The following NUP210L variants were observed in gnomAD, a reference collection of about 807,000 sequenced individuals.
NUP210L encodes the protein nucleoporin 210 like, also known as nuclear pore membrane glycoprotein 210-like.
Under a neutral mutation model 208.5 loss-of-function variants are expected in NUP210L, and 74 were observed. The ratio of observed to expected loss-of-function variants is 0.35; its 90% confidence interval spans 0.29 to 0.43. NUP210L has a LOEUF of 0.43. Ranked by LOEUF, NUP210L falls within the 20% of genes least tolerant of loss-of-function variation. The probability of loss-of-function intolerance (pLI) is 1.00; values close to 1 mark genes in which losing one functional copy is unlikely to be tolerated. For missense variants in NUP210L, 1,843 were observed against 2,289.4 expected, an observed-to-expected ratio of 0.81 and a Z score of 3.98; for synonymous variants, 780 against 816.9, an observed-to-expected ratio of 0.95 and a Z score of 0.77.
At chr1:154,056,235 T>A (rs566256109) in intron 23 of NUP210L, among the ~76,000 whole-genome samples, 2 of 152,310 alleles carry the variant, frequency 1.3e-5, no homozygotes, top group East Asian at 3.9e-4. Context: ...TATTTCAGCC[T>A]GGAACTCCTC....
chr1:154,067,377 T>A (rs1016209352), intron 17 of NUP210L, among the ~76,000 whole-genome samples: 4 of 152,168 alleles, frequency 2.6e-5, no homozygotes, highest in African/African-American at 7.2e-5. Context: ...GGAAAGGCCT[T>A]CGACAAAATT....
chr1:154,073,551 A>C (rs1023472832), intron 16 of NUP210L, among the ~76,000 whole-genome samples: 1 of 152,052 alleles, frequency 6.6e-6, no homozygotes, highest in African/African-American at 2.4e-5. Flanking sequence ...ATCGTGGTTT[A>C]TATCTGTAAT....
At chr1:154,001,836 G>C in exon 36 of NUP210L, 2 of 1,614,120 alleles carry the variant, frequency 1.2e-6, no homozygotes, top group Non-Finnish European at 1.7e-6. Flanking sequence ...TAAAAGGCTG[G>C]GATGAAAGGA....
exon 13 of NUP210L, chr1:154,104,097 T>C (rs759220201): frequency 1.9e-6 from 3 of 1,614,126 alleles, no homozygotes; most frequent in Non-Finnish European, 2.5e-6. Context: ...CCATGGCTTC[T>C]TTGGTCTCTT....
At chr1:154,143,079 C>A (rs923408329) in intron 3 of NUP210L, among the ~76,000 whole-genome samples, 2 of 150,854 alleles carry the variant, frequency 1.3e-5, no homozygotes, top group African/African-American at 4.9e-5. Flanking sequence ...TCCCAGCTAC[C>A]CAGGAGGCTG....
At chr1:154,010,296 C>G (rs1435750106) in intron 34 of NUP210L, among the ~76,000 whole-genome samples, 175 bp from the exon 35 acceptor site, 1 of 152,178 alleles carries the variant, frequency 6.6e-6, no homozygotes, top group African/African-American at 2.4e-5. Context: ...GTGAGACCCT[C>G]GCATTCTAAT....
At chr1:154,112,331 C>T (rs566570588) in intron 12 of NUP210L, among the ~76,000 whole-genome samples, 7 of 151,932 alleles carry the variant, frequency 4.6e-5, no homozygotes, top group South Asian at 2.1e-4. Flanking sequence ...GCTTGAGCCC[C>T]GGAGGCCAAG....
At chr1:154,027,310 C>T (rs1463675491) in intron 29 of NUP210L, among the ~76,000 whole-genome samples, 196 bp downstream of exon 29, 1 of 152,028 alleles carries the variant, frequency 6.6e-6, no homozygotes, top group Admixed American at 6.6e-5. Context: ...ATGCTGAATA[C>T]ACAATATTGT....
Position 154,104,145 on chromosome 1 carries a change from CT to C in NUP210L, c.1685del (p.Gln562ArgfsTer3), listed in dbSNP as rs1557978913. 1 of 1,614,020 alleles carries C rather than the reference CT, an allele frequency of 6.2e-7. No homozygotes were observed. The highest frequency in any genetic ancestry group is 1.3e-5 in the African/African-American group (1 of 75,032). On this transcript the variant is annotated frameshift_variant, in exon 13 of 40. Coordinates refer to ENST00000368559, the Ensembl canonical transcript of NUP210L. LOFTEE classifies it high-confidence loss of function. ...ACATTGCAATGGGTATTTCTATAAT[CT>C]GGCCAATCTCCACATCAGCATGAAA... is the stretch of plus-strand genomic sequence containing the variant.
chr1:154,030,678 TC>T (rs1462897618), intron 27 of NUP210L, among the ~76,000 whole-genome samples: 1 of 152,124 alleles, frequency 6.6e-6, no homozygotes, highest in Non-Finnish European at 1.5e-5. Context: ...CCTGTAATAA[TC>T]ACATCAGGGT....
intron 12 of NUP210L, among the ~76,000 whole-genome samples, chr1:154,115,092 A>G (rs1657253102): frequency 6.6e-6 from 1 of 152,192 alleles, no homozygotes; most frequent in Non-Finnish European, 1.5e-5. Flanking sequence ...TTTTGCCTTC[A>G]CTTTCTCCCT....
chr1:154,007,272 T>TA (rs894673079), intron 35 of NUP210L, among the ~76,000 whole-genome samples: 20 of 30,696 alleles, frequency 6.5e-4, no homozygotes, highest in South Asian at 5.2e-3. Flanking sequence ...TATATATATA[T>TA]TTTTTTTGAG....
rs565011057 is a variant in NUP210L at position 154,151,346 on chromosome 1, A to T, written c.340+1390T>A. Among the ~76,000 whole-genome samples, 10 of 151,046 alleles carry T rather than the reference A, an allele frequency of 6.6e-5. No individual in the cohort carries two copies. In the East Asian group the frequency reaches 1.9e-3, roughly 29 times the overall value. On this transcript the variant is annotated intron_variant, in intron 2 of 39. Transcript: ENST00000368559. ...TCTCTGCAATTGGGATTTATCTTAT[A>T]ATTGATGACATCTTACAAGTCCTCT...
intron 33 of NUP210L, among the ~76,000 whole-genome samples, chr1:154,014,179 G>A (rs1419171614): frequency 2.0e-5 from 3 of 152,128 alleles, no homozygotes; most frequent in Admixed American, 2.0e-4. Flanking sequence ...GCTTAATAAA[G>A]AAAGGAATTT....
intron 27 of NUP210L, among the ~76,000 whole-genome samples, chr1:154,035,869 G>GATTAC (rs971890158): frequency 6.6e-6 from 1 of 151,976 alleles, no homozygotes; most frequent in African/African-American, 2.4e-5. Context: ...AAGTAGCTGA[G>GATTAC]ATTACAGGTA....
At chr1:154,009,815 A>T (rs1650798369) in intron 35 of NUP210L, among the ~76,000 whole-genome samples, 157 bp downstream of exon 35, 1 of 151,758 alleles carries the variant, frequency 6.6e-6, no homozygotes, top group South Asian at 2.1e-4. Context: ...AAAAAGAAAA[A>T]AGAGTTGAAC....
At chr1:154,154,534 G>T (rs1659589847) in intron 1 of NUP210L, among the ~76,000 whole-genome samples, 1 of 152,114 alleles carries the variant, frequency 6.6e-6, no homozygotes. Flanking sequence ...CCTTTACCCT[G>T]ACGGCTGCTC....
intron 7 of NUP210L, among the ~76,000 whole-genome samples, chr1:154,131,563 A>C (rs1184934154): frequency 6.6e-6 from 1 of 151,844 alleles, no homozygotes; most frequent in Non-Finnish European, 1.5e-5. Flanking sequence ...AAGTTTTTCC[A>C]ATCTTAAAAA....
At position 154,100,152 on chromosome 1, in the gene NUP210L, C is replaced by A; in HGVS notation, c.1820-9G>T. The A allele has an allele frequency of 6.2e-7, 1 of 1,613,434 alleles. No individual in the cohort carries two copies. The highest frequency in any genetic ancestry group is 1.1e-5 in the South Asian group (1 of 91,010). Reference sequence around the variant, plus strand: ...TCCAGGTCTTTGAATACCTGTGAATCAAAAACCATGATTTTGGCAGGGCGT... The same window carrying A: ...TCCAGGTCTTTGAATACCTGTGAATAAAAAACCATGATTTTGGCAGGGCGT... On this transcript the variant is annotated splice_polypyrimidine_tract_variant and intron_variant, in intron 13 of 39. Coordinates refer to ENST00000368559, the Ensembl canonical transcript of NUP210L.
Sources: gnomAD v4.1 joint callset for allele counts (sites outside exome capture counted in the v4.1 genomes callset) on GRCh38, gnomAD v4.1.1 for gene constraint, MANE v1.5 for transcripts, NCBI Gene and HGNC (gene_info 2026-07-23, HGNC 2026-07-21) for gene names.